The following XKR6 variants were observed in gnomAD, a reference collection of about 807,000 sequenced individuals.
XKR6 encodes the protein XK related 6, also known as XK-related protein 6.
Under a neutral mutation model 56.7 loss-of-function variants are expected in XKR6, and 22 were observed. The ratio of observed to expected loss-of-function variants is 0.39; its 90% CI spans 0.28 to 0.55. The LOEUF is 0.55. Ranked by LOEUF, XKR6 falls within the 20% of genes least tolerant of loss-of-function variation. XKR6 has a pLI of 0.66. For missense variants in XKR6, 852 were observed against 889.0 expected (o/e 0.96, Z 0.53); for synonymous variants, 524 against 387.8 (o/e 1.35, Z -4.13).
chr8:10,958,122 T>C (rs1257265881), intron 1 of XKR6, among the ~76,000 whole-genome samples: 1 of 152,204 alleles, frequency 6.6e-6, no homozygotes, highest in Non-Finnish European at 1.5e-5. Flanking sequence ...CTGGAAAATC[T>C]GAACAGTTCT....
intron 1 of XKR6, among the ~76,000 whole-genome samples, chr8:11,151,153 G>T (rs1012137176): frequency 6.6e-6 from 1 of 151,884 alleles, no homozygotes; most frequent in African/African-American, 2.4e-5. Flanking sequence ...TTTCTCCCCC[G>T]CAAGTGACAT....
At chr8:10,989,006 C>T (rs1797927853) in intron 1 of XKR6, among the ~76,000 whole-genome samples, 1 of 152,210 alleles carries the variant, frequency 6.6e-6, no homozygotes, top group Non-Finnish European at 1.5e-5. Context: ...GATTCCGTTC[C>T]AACAATCACT....
At chr8:11,090,140 G>A (rs1222758881) in intron 1 of XKR6, among the ~76,000 whole-genome samples, 1 of 152,160 alleles carries the variant, frequency 6.6e-6, no homozygotes, top group East Asian at 1.9e-4. Flanking sequence ...CTGGAGTGCA[G>A]TGGTGCAAAT....
rs148208880 is a variant in XKR6, at chr8:10,982,865, G to C, written c.765-58035C>G. ...CCCAGGGAGGCATGGCTTGGGGTTT[G>C]AGGATAGGCTGAACCAAGGGCACCA... On this transcript the variant is annotated intron_variant, in intron 1 of 2. Transcript: ENST00000416569. 4.7e-3 allele frequency among the ~76,000 whole-genome samples: 719 copies of C among 152,312 alleles called. 8 individuals are homozygous for C. The highest frequency in any genetic ancestry group is 0.017 in the African/African-American group (690 of 41,558).
chr8:11,162,368 AG>A (rs1336612911), intron 1 of XKR6, among the ~76,000 whole-genome samples: 3 of 152,162 alleles, frequency 2.0e-5, no homozygotes, highest in Non-Finnish European at 4.4e-5. Context: ...CTCCAGCTTT[AG>A]GGCCTTAATT....
At chr8:10,964,424 C>T (rs1054076165) in intron 1 of XKR6, among the ~76,000 whole-genome samples, 3 of 152,176 alleles carry the variant, frequency 2.0e-5, no homozygotes, top group African/African-American at 4.8e-5. Flanking sequence ...TCACAAGTGA[C>T]GTTCCTCAGT....
intron 1 of XKR6, among the ~76,000 whole-genome samples, chr8:11,036,662 G>C (rs760662275): frequency 7.2e-5 from 11 of 152,358 alleles, no homozygotes; most frequent in African/African-American, 2.6e-4. Context: ...AGAGTTGGGG[G>C]TGAGTGTTCT....
chr8:11,038,190 A>C (rs1156322638), intron 1 of XKR6, among the ~76,000 whole-genome samples: 3 of 152,364 alleles, frequency 2.0e-5, no homozygotes, highest in South Asian at 2.1e-4. Flanking sequence ...ACTTATGGGA[A>C]CCTTTATATG....
In XKR6 at chr8:11,108,448, T is replaced by C. The variant is rs904098458; in HGVS notation, c.764+92128A>G. On this transcript the variant is annotated intron_variant, in intron 1 of 2. Coordinates refer to ENST00000416569, the MANE Select transcript of XKR6 (RefSeq NM_173683.4). ...AAAATCTTCATAATTGTTAGAAATG[T>C]TAGAAGAAATATGTTCATTTAAAAA... 6.4e-4 allele frequency: 274 copies of C among 426,966 alleles called. 7 individuals carry two copies. The Admixed American group carries it at 7.5e-3, about 12-fold the overall frequency. The allele number at this position is 426,966 out of a possible 1,614,324, so 26.4% of individuals were successfully genotyped here. A position where few individuals can be genotyped will look rare whatever the true frequency, so the allele number is the denominator to read the frequency against.
At chr8:11,013,262 G>A (rs898836556) in intron 1 of XKR6, among the ~76,000 whole-genome samples, 1 of 152,218 alleles carries the variant, frequency 6.6e-6, no homozygotes, top group East Asian at 1.9e-4. Flanking sequence ...TCTAAGATGA[G>A]GCTGAGGAGG....
chr8:10,959,562 G>A (rs1216252153), intron 1 of XKR6, among the ~76,000 whole-genome samples: 8 of 152,244 alleles, frequency 5.3e-5, no homozygotes, highest in East Asian at 1.9e-4. Flanking sequence ...GTGTCCTCAC[G>A]TGGTGGAGAG....
At position 11,159,461 on chromosome 8, in the gene XKR6, G is replaced by A. The variant is rs983242361; in HGVS notation, c.764+41115C>T. Among the ~76,000 whole-genome samples, 6 of 152,300 alleles carry A rather than the reference G, an allele frequency of 3.9e-5. No homozygotes were observed. In the South Asian group the frequency reaches 1.2e-3, roughly 32 times the overall value. ...CAGCTGCTGTCCTCACAGCTGCCCC[G>A]CCTCACTTTCTGCTAACAGACGCTG... On this transcript the variant is annotated intron_variant, in intron 1 of 2. Coordinates refer to ENST00000416569, the MANE Select transcript of XKR6 (RefSeq NM_173683.4).
intron 1 of XKR6, among the ~76,000 whole-genome samples, chr8:11,173,596 C>T (rs1024225399): frequency 7.2e-5 from 11 of 152,048 alleles, no homozygotes; most frequent in Admixed American, 2.0e-4. Context: ...AAGATGGGGT[C>T]ACCATGAGAG....
intron 2 of XKR6, among the ~76,000 whole-genome samples, chr8:10,907,922 G>C (rs921903824): frequency 6.6e-6 from 1 of 152,246 alleles, no homozygotes. Context: ...CTCCTAACTG[G>C]TCTCTCTGCA....
intron 1 of XKR6, among the ~76,000 whole-genome samples, chr8:10,987,032 C>T (rs1797879237): frequency 6.6e-6 from 1 of 152,134 alleles, no homozygotes; most frequent in African/African-American, 2.4e-5. Context: ...TCAAGTGATC[C>T]TCCCACTTCA....
At chr8:11,094,512 G>A (rs1473328048) in intron 1 of XKR6, among the ~76,000 whole-genome samples, 1 of 152,144 alleles carries the variant, frequency 6.6e-6, no homozygotes, top group African/African-American at 2.4e-5. Flanking sequence ...TCATTTGGGG[G>A]CATTTGTAAT....
chr8:11,012,650 C>A (rs1354539706), intron 1 of XKR6, among the ~76,000 whole-genome samples: 2 of 150,122 alleles, frequency 1.3e-5, no homozygotes, highest in Non-Finnish European at 3.0e-5. Flanking sequence ...CAGGCCCCCT[C>A]CACTGTCCTC....
At position 11,200,052 on chromosome 8, in the gene XKR6, G is replaced by T. The variant is rs775591613; in HGVS notation, c.764+524C>A. 1.3e-5 allele frequency among the ~76,000 whole-genome samples: 2 copies of T among 152,228 alleles called. No homozygotes were observed. Among genetic ancestry groups the T allele is most frequent in the African/African-American group, 2.4e-5 (1 of 41,460 alleles). ...ACAGGGGCTGGGAGTGCAGGAGGGG[G>T]AAGGGGCGTGGAATCCAGGAGTGCT... is the stretch of plus-strand genomic sequence containing the variant. On this transcript the variant is annotated intron_variant, in intron 1 of 2. Coordinates refer to ENST00000416569, the MANE Select transcript of XKR6 (RefSeq NM_173683.4). The surrounding 1 kb of genome is among the most constrained non-coding windows in gnomAD (Gnocchi z 6.4).
At chr8:11,195,915 A>G (rs1402210330) in intron 1 of XKR6, among the ~76,000 whole-genome samples, 1 of 151,198 alleles carries the variant, frequency 6.6e-6, no homozygotes, top group East Asian at 1.9e-4. Context: ...CCTCCCACTG[A>G]GTTTCTTTTA....
Sources: allele counts gnomAD v4.1 joint callset (sites outside exome capture counted in the v4.1 genomes callset), GRCh38; gene constraint gnomAD v4.1.1; non-coding constraint Gnocchi (gnomAD v3.1); transcripts MANE v1.5; gene names NCBI Gene and HGNC (gene_info 2026-07-23, HGNC 2026-07-21).